MYH7B: variants seen among roughly 807,000 people sequenced by gnomAD.
MYH7B encodes the protein myosin heavy chain 7B, also known as myosin-7B.
MYH7B carries 205 observed loss-of-function variants against 234.5 expected under a neutral mutation model. The observed-to-expected ratio is 0.87, with a 90% confidence interval of 0.78 to 0.98. The LOEUF (loss-of-function observed/expected upper bound fraction) is 0.98, where lower values mean the gene tolerates loss of function less well. MYH7B is among the 50% of genes least tolerant of loss of function. The pLI, the probability that MYH7B is intolerant of heterozygous loss-of-function variation, is 0.00. For synonymous variants in MYH7B, 1,193 were observed against 1,105.0 expected (o/e 1.08, Z -1.58); for missense variants, 2,652 against 2,633.4 (o/e 1.01, Z -0.15).
intron 4 of MYH7B, 47 bp downstream of exon 4, chr20:34,977,727 T>TGGGGGGGGGGGGGGGGGGGG: frequency 6.2e-6 from 1 of 161,550 alleles, no homozygotes; most frequent in Non-Finnish European, 1.0e-5. Flanking sequence ...GGCAGGAGGG[T>TGGGGGGGGGGGGGGGGGGGG]GGGCGGGTGG....
At position 34,982,483 on chromosome 20, in the gene MYH7B, G is replaced by A. The variant is rs201701604; in HGVS notation, c.552G>A (p.Thr184=). The A allele has an allele frequency of 6.0e-4, 973 of 1,613,818 alleles. 1 individual carries two copies. The highest frequency in any genetic ancestry group is 8.0e-4 in the Non-Finnish European group (939 of 1,179,930). ...GCGGAGAGTCGGGGGCCGGTAAGACGGTTAACACCAAGCGGGTCATTCAGT... is the reference window on the plus strand; with the variant it reads ...GCGGAGAGTCGGGGGCCGGTAAGACAGTTAACACCAAGCGGGTCATTCAGT... The change falls in exon 10 of 45, where the codon ACG becomes ACA. Residue 184 remains threonine, a synonymous_variant. Coordinates refer to ENST00000262873, the Ensembl canonical transcript of MYH7B.
At chr20:34,969,366 G>GA (rs998529568) in intron 2 of MYH7B, among the ~76,000 whole-genome samples, 24 of 151,788 alleles carry the variant, frequency 1.6e-4, no homozygotes, top group African/African-American at 4.4e-4. Flanking sequence ...GTTTACAAGG[G>GA]AAAAAAAATC....
exon 18 of MYH7B, chr20:34,987,865 G>C (rs754379906): frequency 4.3e-6 from 7 of 1,612,016 alleles, no homozygotes; most frequent in African/African-American, 1.3e-5. Context: ...AAGCTGCCCC[G>C]GCAGTTCTTC....
intron 10 of MYH7B, 67 bp downstream of exon 10, chr20:34,982,622 C>CTT (rs541168287): frequency 1.8e-4 from 190 of 1,060,376 alleles, no homozygotes; most frequent in East Asian, 4.3e-4. Context: ...TTCTTCCTCT[C>CTT]TTTTTTTTTT....
rs529183422 is a variant in MYH7B at position 34,991,128 on chromosome 20, G to A, written c.2183+7G>A. The A allele has an allele frequency of 9.4e-6, 15 of 1,593,194 alleles. No individual in the cohort carries two copies. Among genetic ancestry groups the A allele is most frequent in the Non-Finnish European group, 1.3e-5 (15 of 1,166,108 alleles). Reference sequence around the variant, plus strand: ...ACACCGACTTCCGGCAGCGGTGGGTGACCCCTTCCCCCTGCCTGCTGCTCC... The same window carrying A: ...ACACCGACTTCCGGCAGCGGTGGGTAACCCCTTCCCCCTGCCTGCTGCTCC... On this transcript the variant is annotated splice_region_variant and intron_variant, in intron 24 of 44. Coordinates refer to ENST00000262873, the Ensembl canonical transcript of MYH7B.
rs759155307 is a variant in MYH7B at position 35,001,177 on chromosome 20, G to A, written c.5475+19G>A. 18 of 1,610,574 alleles carry A rather than the reference G, an allele frequency of 1.1e-5. No individual in the cohort carries two copies. The highest frequency in any genetic ancestry group is 1.5e-5 in the Non-Finnish European group (18 of 1,177,716). On this transcript the variant is annotated intron_variant, in intron 41 of 44. Transcript: ENST00000262873. ...GGCCAAGGTGTGTGCAGCCCCTCTA[G>A]TCCTTGGCGCAGGCAGGGTGGGTGA... is the stretch of plus-strand genomic sequence containing the variant.
At chr20:34,990,253 G>A in exon 22 of MYH7B, 1 of 1,614,152 alleles carries the variant, frequency 6.2e-7, no homozygotes, top group Non-Finnish European at 8.5e-7. Context: ...CCAAGTCTGG[G>A]GTGAAAGAGA....
At chr20:34,967,462 G>A (rs2081753367) in intron 2 of MYH7B, among the ~76,000 whole-genome samples, 1 of 151,966 alleles carries the variant, frequency 6.6e-6, no homozygotes, top group African/African-American at 2.4e-5. Flanking sequence ...CAGACCCTCT[G>A]GGTAGGTTTC....
At chr20:35,001,745 G>A (rs985662990) in intron 43 of MYH7B, among the ~76,000 whole-genome samples, 4 of 152,204 alleles carry the variant, frequency 2.6e-5, no homozygotes, top group African/African-American at 9.7e-5. Context: ...TGCCTCTGAG[G>A]GGTGGGGCAG....
At chr20:34,983,261 C>CTTTTCTCT (rs956021517) in intron 10 of MYH7B, among the ~76,000 whole-genome samples, 3 of 133,428 alleles carry the variant, frequency 2.2e-5, no homozygotes, top group African/African-American at 8.2e-5. Context: ...TTCTTTCTTT[C>CTTTTCTCT]TTTTCTCTTT....
intron 3 of MYH7B, 120 bp downstream of exon 3, chr20:34,975,619 G>A (rs2081842455): frequency 4.8e-6 from 3 of 627,330 alleles, no homozygotes; most frequent in Non-Finnish European, 5.9e-6. Flanking sequence ...TGTCTACCGA[G>A]AGGGGACCCG....
intron 5 of MYH7B, among the ~76,000 whole-genome samples, chr20:34,978,949 G>A (rs1242859491): frequency 6.6e-6 from 1 of 152,122 alleles, no homozygotes; most frequent in African/African-American, 2.4e-5. Flanking sequence ...GGAGAGCACA[G>A]GTTACAGTTA....
chr20:34,979,161 C>T (rs1346552513), intron 5 of MYH7B, among the ~76,000 whole-genome samples: 4 of 152,162 alleles, frequency 2.6e-5, no homozygotes, highest in African/African-American at 7.2e-5. Flanking sequence ...GAATTGGAAC[C>T]CAACCATTAA....
chr20:34,992,430 T>C (rs1462340361), intron 24 of MYH7B, among the ~76,000 whole-genome samples: 1 of 150,048 alleles, frequency 6.7e-6, no homozygotes, highest in Non-Finnish European at 1.5e-5. Flanking sequence ...GTTTCTTCAG[T>C]GATAGGGTAC....
At chr20:35,000,937 A>G (rs1417646395) in intron 40 of MYH7B, 44 bp downstream of exon 40, 5 of 1,611,372 alleles carry the variant, frequency 3.1e-6, no homozygotes, top group Admixed American at 1.7e-5. Context: ...ACAGAATTGC[A>G]GAGGGACTTC....
intron 35 of MYH7B, 56 bp from the exon 36 acceptor site, chr20:34,999,000 C>T: frequency 6.3e-7 from 1 of 1,581,442 alleles, no homozygotes; most frequent in East Asian, 2.2e-5. Flanking sequence ...AAGGGAGCTG[C>T]TGGGGCTGTT....
chr20:35,000,872 G>T, exon 40 of MYH7B: 1 of 1,613,134 alleles, frequency 6.2e-7, no homozygotes, highest in Non-Finnish European at 8.5e-7. Flanking sequence ...CTGAGGAGAA[G>T]GCCAAAAAGG....
At position 34,978,108 on chromosome 20, in the gene MYH7B, C is replaced by G. The variant is rs1353005341; in HGVS notation, c.91+12C>G. Reference sequence around the variant, plus strand: ...TATCCCATGGGACGGTAAGTGGAGACAGAGGGGGAGGGGTCATAGCCACAG... The same window carrying G: ...TATCCCATGGGACGGTAAGTGGAGAGAGAGGGGGAGGGGTCATAGCCACAG... On this transcript the variant is annotated intron_variant, in intron 5 of 44. Coordinates refer to ENST00000262873, the Ensembl canonical transcript of MYH7B. The G allele has an allele frequency of 6.2e-7, 1 of 1,613,650 alleles. No homozygotes were observed. Among genetic ancestry groups the G allele is most frequent in the Non-Finnish European group, 8.5e-7 (1 of 1,179,958 alleles).
exon 4 of MYH7B, chr20:34,977,661 G>A (rs1469510321): frequency 6.6e-7 from 1 of 1,525,912 alleles, no homozygotes; most frequent in Non-Finnish European, 8.8e-7. Context: ...AGAGCTTCCT[G>A]CCCTCACCGT....
Sources: gnomAD v4.1 joint callset for allele counts (sites outside exome capture counted in the v4.1 genomes callset) on GRCh38, gnomAD v4.1.1 for gene constraint, MANE v1.5 for transcripts, NCBI Gene and HGNC (gene_info 2026-07-23, HGNC 2026-07-21) for gene names.